EPHA7: variants seen among roughly 807,000 people sequenced by gnomAD.
EPHA7 encodes the protein ephrin type-A receptor 7.
A neutral mutation model predicts 112.6 loss-of-function variants in EPHA7; 25 were observed. The observed-to-expected ratio is 0.22, with a 90% CI of 0.16 to 0.31. The LOEUF (loss-of-function observed/expected upper bound fraction) is 0.31. Ranked by LOEUF, EPHA7 falls within the 10% of genes least tolerant of loss-of-function variation. The pLI, the probability that EPHA7 is intolerant of heterozygous loss-of-function variation, is 1.00. For missense variants in EPHA7, 962 were observed against 1,212.6 expected (o/e 0.79, Z 3.07); for synonymous variants, 437 against 406.5 (o/e 1.07, Z -0.90).
chr6:93,342,840 T>C (rs927096106), intron 5 of EPHA7, among the ~76,000 whole-genome samples: 2 of 151,748 alleles, frequency 1.3e-5, no homozygotes, highest in African/African-American at 4.8e-5. Context: ...AAATATGGCT[T>C]TACATGTTAT....
intron 5 of EPHA7, among the ~76,000 whole-genome samples, chr6:93,339,910 C>T (rs1775061340): frequency 6.6e-6 from 1 of 151,710 alleles, no homozygotes; most frequent in Non-Finnish European, 1.5e-5. Flanking sequence ...CAAATAATCT[C>T]TCCCTTTATC....
At chr6:93,315,658 C>T (rs12530112) in intron 5 of EPHA7, among the ~76,000 whole-genome samples, 8,666 of 152,198 alleles carry the variant, frequency 0.057, 316 homozygotes, top group African/African-American at 0.1. Context: ...GCTTCTGCTG[C>T]ATATTTTTCA....
Position 93,254,803 on chromosome 6 carries a change from TA to T in EPHA7, c.2383-8del. 1 of 1,608,152 alleles carries T rather than the reference TA, an allele frequency of 6.2e-7. No homozygotes were observed. The highest frequency in any genetic ancestry group is 8.5e-7 in the Non-Finnish European group (1 of 1,176,764). On this transcript the variant is annotated splice_region_variant and splice_polypyrimidine_tract_variant and intron_variant, in intron 13 of 16. Transcript: ENST00000369303. ...TTACTGGAATTTTTCCACCCTGTTA[TA>T]AAAAGAAATGAACATTTTAAATATG...
chr6:93,387,778 G>T (rs956310864), intron 3 of EPHA7, among the ~76,000 whole-genome samples: 2 of 152,032 alleles, frequency 1.3e-5, no homozygotes, highest in Non-Finnish European at 2.9e-5. Flanking sequence ...GATCTCATAA[G>T]AACTCACTAT....
At chr6:93,401,524 GA>G (rs1293857767) in intron 3 of EPHA7, among the ~76,000 whole-genome samples, 1 of 151,510 alleles carries the variant, frequency 6.6e-6, no homozygotes, top group Non-Finnish European at 1.5e-5. Context: ...AACACGGGTA[GA>G]AAACAAAAAA....
intron 5 of EPHA7, among the ~76,000 whole-genome samples, chr6:93,277,621 T>C (rs1276208778): frequency 1.3e-5 from 2 of 152,006 alleles, no homozygotes; most frequent in Non-Finnish European, 2.9e-5. Context: ...AACATAAATT[T>C]TCATTCTATA....
chr6:93,305,845 T>C (rs547631337), intron 5 of EPHA7, among the ~76,000 whole-genome samples: 30 of 152,074 alleles, frequency 2.0e-4, no homozygotes, highest in African/African-American at 7.0e-4. Flanking sequence ...TGTTGTCATA[T>C]AACCTGCATG....
At chr6:93,361,840 T>C (rs1776276248) in intron 3 of EPHA7, among the ~76,000 whole-genome samples, 1 of 152,130 alleles carries the variant, frequency 6.6e-6, no homozygotes, top group Admixed American at 6.6e-5. Flanking sequence ...TGATATAGCA[T>C]GTGCCCTTTG....
At chr6:93,314,136 T>C (rs966278467) in intron 5 of EPHA7, among the ~76,000 whole-genome samples, 3 of 152,160 alleles carry the variant, frequency 2.0e-5, no homozygotes, top group African/African-American at 7.2e-5. Flanking sequence ...TGCCTTGTTT[T>C]TATAAGGTAT....
intron 5 of EPHA7, among the ~76,000 whole-genome samples, chr6:93,285,692 C>T (rs1293693637): frequency 1.3e-5 from 2 of 152,202 alleles, no homozygotes; most frequent in Non-Finnish European, 2.9e-5. Flanking sequence ...TAGCCAAGGA[C>T]AGAAACTTTT....
At chr6:93,323,185 C>G (rs1774162035) in intron 5 of EPHA7, among the ~76,000 whole-genome samples, 1 of 151,412 alleles carries the variant, frequency 6.6e-6, no homozygotes, top group African/African-American at 2.4e-5. Flanking sequence ...ATGAAAGAAA[C>G]AAATAAGCAG....
intron 3 of EPHA7, among the ~76,000 whole-genome samples, chr6:93,389,971 T>C (rs867049314): frequency 6.6e-6 from 1 of 152,060 alleles, no homozygotes. Context: ...GTCAGTGAAT[T>C]GGAAAATTTC....
At chr6:93,405,842 TATATATATAA>T (rs1562163020) in intron 3 of EPHA7, among the ~76,000 whole-genome samples, 2 of 136,646 alleles carry the variant, frequency 1.5e-5, no homozygotes, top group South Asian at 2.3e-4. Flanking sequence ...TATATATATA[TATATATATAA>T]ATGATTATAA....
chr6:93,365,980 G>C (rs1776487923), intron 3 of EPHA7, among the ~76,000 whole-genome samples: 1 of 152,064 alleles, frequency 6.6e-6, no homozygotes, highest in Non-Finnish European at 1.5e-5. Flanking sequence ...CTAAAGTTTA[G>C]AATGTAAAAT....
At chr6:93,310,038 C>T (rs570852297) in intron 5 of EPHA7, among the ~76,000 whole-genome samples, 193 of 152,220 alleles carry the variant, frequency 1.3e-3, no homozygotes, top group African/African-American at 4.6e-3. Flanking sequence ...CTTTATCAGG[C>T]ATCTAGCAAG....
intron 3 of EPHA7, among the ~76,000 whole-genome samples, chr6:93,391,143 G>A (rs1290377071): frequency 2.0e-5 from 3 of 151,868 alleles, no homozygotes; most frequent in Non-Finnish European, 4.4e-5. Context: ...CTGTAGCCTT[G>A]TTATAAGTGT....
chr6:93,243,659 T>A, intron 16 of EPHA7, 119 bp from the exon 17 acceptor site: 2 of 681,436 alleles, frequency 2.9e-6, no homozygotes, highest in Non-Finnish European at 5.2e-6. Context: ...TATCTTAGTG[T>A]TCTTGGGTAT....
chr6:93,412,571 A>T (rs575290134), intron 2 of EPHA7, among the ~76,000 whole-genome samples: 1 of 152,188 alleles, frequency 6.6e-6, no homozygotes, highest in African/African-American at 2.4e-5. Context: ...ACTCAGTTCA[A>T]CTTGCATTTG....
chr6:93,302,234 T>A (rs1337919223), intron 5 of EPHA7, among the ~76,000 whole-genome samples: 1 of 152,186 alleles, frequency 6.6e-6, no homozygotes, highest in African/African-American at 2.4e-5. Flanking sequence ...AGGTCAGTCT[T>A]TCTCACTCCT....
Sources: gnomAD v4.1 joint callset for allele counts (sites outside exome capture counted in the v4.1 genomes callset) on GRCh38, gnomAD v4.1.1 for gene constraint, MANE v1.5 for transcripts, NCBI Gene and HGNC (gene_info 2026-07-23, HGNC 2026-07-21) for gene names.